The following ZNF316 variants were observed in gnomAD, a reference collection of about 807,000 sequenced individuals.
ZNF316 encodes the protein zinc finger protein 316.
ZNF316 carries 23 observed loss-of-function variants against 75.6 expected under a neutral mutation model. That is an observed-to-expected ratio of 0.30 (90% CI 0.22 to 0.43). The LOEUF (loss-of-function observed/expected upper bound fraction) is 0.43, where lower values mean the gene tolerates loss of function less well. Among genes scored for constraint, ZNF316 ranks in the 20% least tolerant of loss-of-function variants. The pLI, the probability that ZNF316 is intolerant of heterozygous loss-of-function variation, is 1.00. For missense variants in ZNF316, 1,266 were observed against 1,409.4 expected, an observed-to-expected ratio of 0.90 and a Z score of 1.63; for synonymous variants, 827 against 666.2, an observed-to-expected ratio of 1.24 and a Z score of -3.72.
At position 6,654,409 on chromosome 7, in the gene ZNF316, G is replaced by T; in HGVS notation, c.2813G>T (p.Arg938Leu). The change falls in exon 9 of 9, where the codon CGC becomes CTC. Residue 938 changes from arginine to leucine, a missense_variant. Physicochemically the swap from Arg to Leu is moderately radical, Grantham distance 102. Transcript: ENST00000382252. ...SHLLTHMKTH[R>L]GATAAPGSGS... ...TTGCTCACCCACATGAAGACGCACC[G>T]CGGAGCCACCGCAGCGCCGGGCTCG... 8.2e-7 allele frequency: 1 copy of T among 1,212,962 alleles called. No homozygotes were observed. The highest frequency in any genetic ancestry group is 1.0e-6 in the Non-Finnish European group (1 of 976,138). The allele number at this position is 1,212,962 out of a possible 1,614,324, so 75.1% of individuals were successfully genotyped here.
chr7:6,644,276 G>C (rs1028301779), intron 7 of ZNF316, among the ~76,000 whole-genome samples: 34 of 152,160 alleles, frequency 2.2e-4, no homozygotes, highest in Admixed American at 3.9e-4. Context: ...AAGGTGTTGG[G>C]GGGGCTTGGT....
chr7:6,651,527 C>T (rs1218146425), intron 8 of ZNF316, among the ~76,000 whole-genome samples: 1 of 151,902 alleles, frequency 6.6e-6, no homozygotes, highest in East Asian at 1.9e-4. Context: ...CGGTGCTGTG[C>T]GCCTGTAATC....
chr7:6,649,347 C>T (rs1188541140), intron 8 of ZNF316, among the ~76,000 whole-genome samples: 4 of 152,158 alleles, frequency 2.6e-5, no homozygotes, highest in Non-Finnish European at 5.9e-5. Context: ...TGTTGGGTAC[C>T]CTGGGCTGCT....
chr7:6,644,095 C>G (rs1157897667), intron 7 of ZNF316, 147 bp downstream of exon 7: 2 of 874,570 alleles, frequency 2.3e-6, no homozygotes, highest in Admixed American at 4.3e-5. Flanking sequence ...AGCCCTAGGA[C>G]CCCATGGCCC....
At chr7:6,645,175 C>G (rs1057278311) in intron 8 of ZNF316, among the ~76,000 whole-genome samples, 7 of 152,210 alleles carry the variant, frequency 4.6e-5, no homozygotes, top group Non-Finnish European at 8.8e-5. Flanking sequence ...CTAAGGCCCC[C>G]TTTATTCATC....
Position 6,642,406 on chromosome 7 carries a change from G to A in ZNF316, c.-4G>A, listed in dbSNP as rs79944099. On this transcript the variant is annotated 5_prime_UTR_variant, in exon 5 of 9. Transcript: ENST00000382252. The surrounding 1 kb of genome is among the most constrained non-coding windows in gnomAD (Gnocchi z 8.1). ...GGCCACGTGGAGGCTCGCTCCCAGG[G>A]AGGATGGCGGCGCTCCACACGACTC... 144 of 1,232,254 alleles carry A rather than the reference G, an allele frequency of 1.2e-4. 1 individual carries two copies. The East Asian group carries it at 3.7e-3, about 32-fold the overall frequency. The allele number at this position is 1,232,254 out of a possible 1,614,324, so 76.3% of individuals were successfully genotyped here.
At position 6,648,951 on chromosome 7, in the gene ZNF316, G is replaced by A. The variant is rs139491350; in HGVS notation, c.707-3352G>A. Among the ~76,000 whole-genome samples the A allele has an allele frequency of 9.1e-3, 1,384 of 152,268 alleles. 8 individuals are homozygous for A. Among genetic ancestry groups the A allele is most frequent in the Non-Finnish European group, 0.014 (950 of 67,994 alleles). On this transcript the variant is annotated intron_variant, in intron 8 of 8. Coordinates refer to ENST00000382252, the MANE Select transcript of ZNF316 (RefSeq NM_001278559.2). Reference sequence around the variant, plus strand: ...GCCTGTGGAGGGAGGTGGGGGGATCGTTCCTGTGACAGCCCCAGCCCCAGC... The same window carrying A: ...GCCTGTGGAGGGAGGTGGGGGGATCATTCCTGTGACAGCCCCAGCCCCAGC...
chr7:6,652,263 C>T (rs1779519889), intron 8 of ZNF316, 40 bp from the exon 9 acceptor site: 2 of 1,232,222 alleles, frequency 1.6e-6, no homozygotes, highest in East Asian at 6.3e-5. Flanking sequence ...CTGTCAAGTT[C>T]ACTTACCTCT....
chr7:6,646,024 G>A (rs1192858323), intron 8 of ZNF316, among the ~76,000 whole-genome samples: 1 of 148,178 alleles, frequency 6.7e-6, no homozygotes, highest in African/African-American at 2.5e-5. Flanking sequence ...ATCAGATCTC[G>A]TGAGAACTCC....
intron 8 of ZNF316, among the ~76,000 whole-genome samples, chr7:6,651,181 C>G (rs1326268070): frequency 1.3e-5 from 2 of 151,574 alleles, no homozygotes; most frequent in African/African-American, 4.9e-5. Context: ...GAAACCCCAT[C>G]TCTACTAAAA....
chr7:6,642,758 GA>G lies in ZNF316; in HGVS notation c.353del (p.Lys118ArgfsTer33). On this transcript the variant is annotated frameshift_variant, in exon 5 of 9. Coordinates refer to ENST00000382252, the MANE Select transcript of ZNF316 (RefSeq NM_001278559.2). LOFTEE classifies it high-confidence loss of function. The surrounding 1 kb of genome is among the most constrained non-coding windows in gnomAD (Gnocchi z 8.1). ...GGDAKSPVLQ[E>X]KGLQASRAPA... ...TGATGCCAAGTCCCCAGTTCTTCAGGAAAAGGGTAAGAAAAGCAGCCAGCCT... is the reference window on the plus strand; with the variant it reads ...TGATGCCAAGTCCCCAGTTCTTCAGGAAAGGGTAAGAAAAGCAGCCAGCCT... The G allele has an allele frequency of 8.1e-7, 1 of 1,233,606 alleles. No homozygotes were observed. Among genetic ancestry groups the G allele is most frequent in the Non-Finnish European group, 1.0e-6 (1 of 989,062 alleles). The allele number at this position is 1,233,606 out of a possible 1,614,324, so 76.4% of individuals were successfully genotyped here.
chr7:6,649,309 G>A (rs1396269354), intron 8 of ZNF316, among the ~76,000 whole-genome samples: 3 of 152,162 alleles, frequency 2.0e-5, no homozygotes, highest in Non-Finnish European at 2.9e-5. Context: ...CTCCTCTGCT[G>A]TCCCCTGGGT....
Position 6,658,150 on chromosome 7 carries a change from T to G in ZNF316, c.*3539T>G, listed in dbSNP as rs1169617392. Reference sequence around the variant, plus strand: ...CTTTTCTGATTCATTCCTTTTATCCTGATCTTTTCACTTAATCTCGTCCAA... The same window carrying G: ...CTTTTCTGATTCATTCCTTTTATCCGGATCTTTTCACTTAATCTCGTCCAA... On this transcript the variant is annotated 3_prime_UTR_variant, in exon 9 of 9. Transcript: ENST00000382252. Among the ~76,000 whole-genome samples, 2 of 152,208 alleles carry G rather than the reference T, an allele frequency of 1.3e-5. No individual in the cohort carries two copies. Among genetic ancestry groups the G allele is most frequent in the Non-Finnish European group, 2.9e-5 (2 of 68,040 alleles).
At chr7:6,641,363 G>C (rs1173328950) in intron 3 of ZNF316, among the ~76,000 whole-genome samples, 2 of 152,222 alleles carry the variant, frequency 1.3e-5, no homozygotes, top group African/African-American at 4.8e-5. Flanking sequence ...GTGTGTCCTG[G>C]GTAATGGGCC....
chr7:6,644,565 A>G lies in ZNF316; in HGVS notation c.678A>G (p.Glu226=). The part of the protein sequence containing the change: ...PWVPDSPRPE[E]GDIVTGVYTG... ...TCCCAGATAGTCCCCGACCTGAGGA[A>G]GGAGACATCGTCACTGGCGTCTACA... The change falls in exon 8 of 9, where the codon GAA becomes GAG. Residue 226 remains glutamate (E), a synonymous_variant. Transcript: ENST00000382252. The G allele has an allele frequency of 8.1e-7, 1 of 1,232,144 alleles. No individual in the cohort carries two copies. The highest frequency in any genetic ancestry group is 1.0e-6 in the Non-Finnish European group (1 of 987,940). 76.3% of individuals were successfully genotyped at this position (1,232,144 alleles called of 1,614,324 possible). A position where few individuals can be genotyped will look rare whatever the true frequency, so the allele number is the denominator to read the frequency against.
At position 6,654,005 on chromosome 7, in the gene ZNF316, C is replaced by A; in HGVS notation, c.2409C>A (p.Tyr803Ter). ...GCGCGCACACCGGGGAGCGGCCTTACGCGTGTGGAGAGTGCGGCCGGCGCT... is the reference window on the plus strand; with the variant it reads ...GCGCGCACACCGGGGAGCGGCCTTAAGCGTGTGGAGAGTGCGGCCGGCGCT... ...HGRAHTGERP[Y>*]ACGECGRRFG... The change falls in exon 9 of 9, where the codon TAC becomes TAA. Residue 803 changes from tyrosine (Y) to a stop codon, truncating the protein, a stop_gained. Transcript: ENST00000382252. LOFTEE classifies it high-confidence loss of function. The A allele has an allele frequency of 1.7e-6, 2 of 1,187,016 alleles. No individual in the cohort carries two copies. Among genetic ancestry groups the A allele is most frequent in the Non-Finnish European group, 2.1e-6 (2 of 959,580 alleles). The allele number at this position is 1,187,016 out of a possible 1,614,324, so 73.5% of individuals were successfully genotyped here. A position where few individuals can be genotyped will look rare whatever the true frequency, so the allele number is the denominator to read the frequency against.
rs981199551 is a variant in ZNF316, at chr7:6,642,427, G to C, written c.18G>C (p.Thr6=). The part of the protein sequence containing the change: MAALH[T]TPDSPAAQLE... ...CAGGGAGGATGGCGGCGCTCCACAC[G>C]ACTCCCGACTCCCCAGCTGCCCAGC... Residue 6 remains threonine, a synonymous_variant, in exon 5 of 9, where the codon ACG becomes ACC. Transcript: ENST00000382252. The surrounding 1 kb of genome is among the most constrained non-coding windows in gnomAD (Gnocchi z 8.1). 4.9e-6 allele frequency: 6 copies of C among 1,231,942 alleles called. No individual in the cohort carries two copies. In the African/African-American group the frequency reaches 7.8e-5, roughly 16 times the overall value. 76.3% of individuals were successfully genotyped at this position (1,231,942 alleles called of 1,614,324 possible).
chr7:6,653,253 G>A lies in ZNF316; in HGVS notation c.1657G>A (p.Ala553Thr), dbSNP rs1354137244. Residue 553 changes from alanine to threonine, a missense_variant, in exon 9 of 9, where the codon GCC becomes ACC. Transcript: ENST00000382252. The part of the protein sequence containing the change: ...GEADGEAEAA[A>T]EEREEAAVAA... ...GGCGGACGGAGAGGCGGAGGCCGCG[G>A]CCGAGGAGAGAGAGGAGGCGGCGGT... 2.3e-5 allele frequency: 28 copies of A among 1,227,002 alleles called. No individual in the cohort carries two copies. Among genetic ancestry groups the A allele is most frequent in the Admixed American group, 8.5e-5 (2 of 23,478 alleles). 76.0% of individuals were successfully genotyped at this position (1,227,002 alleles called of 1,614,324 possible). A position where few individuals can be genotyped will look rare whatever the true frequency, so the allele number is the denominator to read the frequency against.
intron 8 of ZNF316, among the ~76,000 whole-genome samples, chr7:6,651,736 C>T (rs950896958): frequency 6.6e-6 from 1 of 152,212 alleles, no homozygotes; most frequent in Admixed American, 6.5e-5. Context: ...GCACTCCAGC[C>T]TGGGTGACAG....
Sources: gnomAD v4.1 joint callset for allele counts (sites outside exome capture counted in the v4.1 genomes callset) on GRCh38, gnomAD v4.1.1 for gene constraint, Gnocchi (gnomAD v3.1) non-coding constraint, MANE v1.5 for transcripts, NCBI Gene and HGNC (gene_info 2026-07-23, HGNC 2026-07-21) for gene names.